PPP2R5D: variants seen among roughly 807,000 people sequenced by gnomAD.
PPP2R5D encodes protein phosphatase 2 regulatory subunit B'delta, also known as serine/threonine-protein phosphatase 2A 56 kDa regulatory subunit delta isoform.
In PPP2R5D, 12 loss-of-function variants were observed where a neutral mutation model predicts 79.1. The ratio of observed to expected loss-of-function variants is 0.15; its 90% confidence interval spans 0.10 to 0.25. The LOEUF is 0.25. Among genes scored for constraint, PPP2R5D ranks in the 10% least tolerant of loss-of-function variants. PPP2R5D has a pLI of 1.00. For missense variants in PPP2R5D, 419 were observed against 760.2 expected (o/e 0.55, Z 5.28); for synonymous variants, 277 against 286.6 (o/e 0.97, Z 0.34).
intron 1 of PPP2R5D, among the ~76,000 whole-genome samples, chr6:42,986,636 C>T (rs1157744341): frequency 6.6e-6 from 1 of 151,830 alleles, no homozygotes; most frequent in Non-Finnish European, 1.5e-5. Context: ...GTAGCTCAGT[C>T]GTAGACAATG....
At chr6:42,994,124 T>A (rs1413575311) in intron 2 of PPP2R5D, among the ~76,000 whole-genome samples, 1 of 151,974 alleles carries the variant, frequency 6.6e-6, no homozygotes, top group East Asian at 1.9e-4. Context: ...CTGGCCAACA[T>A]GGTGAAACGC....
At chr6:42,999,188 A>G (rs1304608134) in intron 2 of PPP2R5D, among the ~76,000 whole-genome samples, 2 of 152,118 alleles carry the variant, frequency 1.3e-5, no homozygotes, top group Non-Finnish European at 2.9e-5. Context: ...TCTACCCCCA[A>G]CCCAGGTGAA....
Position 43,006,927 on chromosome 6 carries a change from G to A in PPP2R5D, c.339G>A (p.Glu113=). ...LPALKDSPTQ[E]REELFIQKLR... ...CCCCCACAGATTCGCCAACCCAGGA[G>A]CGGGAGGAGCTGTTTATCCAGAAGC... Residue 113 remains glutamate, a synonymous_variant, in exon 4 of 16, where the codon GAG becomes GAA. Transcript: ENST00000485511. This position sits in a 1 kb window ranked among gnomAD's most constrained non-coding sequence, Gnocchi z 4.7. 1 of 1,614,010 alleles carries A rather than the reference G, an allele frequency of 6.2e-7. No homozygotes were observed. Among genetic ancestry groups the A allele is most frequent in the Non-Finnish European group, 8.5e-7 (1 of 1,180,030 alleles).
intron 2 of PPP2R5D, among the ~76,000 whole-genome samples, chr6:42,990,890 T>C (rs915157504): frequency 3.3e-5 from 5 of 151,886 alleles, no homozygotes; most frequent in African/African-American, 9.7e-5. Context: ...TTTTGTATTT[T>C]TAGTAGAGAC....
chr6:43,010,018 G>A lies in PPP2R5D; in HGVS notation c.1380-450G>A, dbSNP rs1157680206. Among the ~76,000 whole-genome samples, 8 of 152,200 alleles carry A rather than the reference G, an allele frequency of 5.3e-5. No individual in the cohort carries two copies. The East Asian group carries it at 7.7e-4, about 15-fold the overall frequency. The stretch of plus-strand genomic sequence containing the variant: ...TGGGAGGTGACGGTTGCAGTGAGCC[G>A]AGATCGTGCCACTGCACTCCAGCCT... On this transcript the variant is annotated intron_variant, in intron 12 of 15. Transcript: ENST00000485511. The surrounding 1 kb of genome is among the most constrained non-coding windows in gnomAD (Gnocchi z 4.7).
chr6:43,011,067 G>C, intron 15 of PPP2R5D, 70 bp downstream of exon 15: 2 of 1,610,536 alleles, frequency 1.2e-6, no homozygotes, highest in Non-Finnish European at 8.5e-7. Flanking sequence ...AGAAACAGCA[G>C]AGCCAAAGAA....
In PPP2R5D at chr6:43,008,581, A is replaced by G. The variant is rs1261695274; in HGVS notation, c.1026+106A>G. 2.1e-6 allele frequency: 3 copies of G among 1,459,032 alleles called. No homozygotes were observed. The highest frequency in any genetic ancestry group is 1.4e-5 in the African/African-American group (1 of 71,528). 90.4% of individuals were successfully genotyped at this position (1,459,032 alleles called of 1,614,324 possible). A position where few individuals can be genotyped will look rare whatever the true frequency, so the allele number is the denominator to read the frequency against. On this transcript the variant is annotated intron_variant, in intron 9 of 15. Transcript: ENST00000485511. This position sits in a 1 kb window ranked among gnomAD's most constrained non-coding sequence, Gnocchi z 4.2. ...GGGAAGCATAGGGAGCAGGTGGGAT[A>G]ATTCCTTCCCTCCATCTCCCCTTCC...
intron 2 of PPP2R5D, among the ~76,000 whole-genome samples, chr6:43,004,307 G>A (rs1216859246): frequency 6.6e-6 from 1 of 152,264 alleles, no homozygotes; most frequent in African/African-American, 2.4e-5. Context: ...ACAGGCGTGA[G>A]CCACCGCACT....
Position 43,006,345 on chromosome 6 carries a change from G to C in PPP2R5D, c.106-118G>C. 2 of 1,466,910 alleles carry C rather than the reference G, an allele frequency of 1.4e-6. No homozygotes were observed. The highest frequency in any genetic ancestry group is 1.8e-6 in the Non-Finnish European group (2 of 1,107,404). 90.9% of individuals were successfully genotyped at this position (1,466,910 alleles called of 1,614,324 possible). A position where few individuals can be genotyped will look rare whatever the true frequency, so the allele number is the denominator to read the frequency against. On this transcript the variant is annotated intron_variant, in intron 2 of 15. Transcript: ENST00000485511. This position sits in a 1 kb window ranked among gnomAD's most constrained non-coding sequence, Gnocchi z 4.7. ...CCCTGGCCTTAGCTCCTTCGGGGCA[G>C]GAGACAGCTGCTCACTGCCCAGGCC...
chr6:42,991,827 A>C (rs753950382), intron 2 of PPP2R5D, among the ~76,000 whole-genome samples: 5 of 152,188 alleles, frequency 3.3e-5, no homozygotes, highest in Non-Finnish European at 7.3e-5. Context: ...CCTTTCAAAC[A>C]AATATGCCTA....
At chr6:42,988,897 G>A (rs1181287302) in intron 1 of PPP2R5D, among the ~76,000 whole-genome samples, 1 of 152,048 alleles carries the variant, frequency 6.6e-6, no homozygotes, top group Non-Finnish European at 1.5e-5. Flanking sequence ...TTTTTGGCTC[G>A]AAGCATAGGA....
chr6:42,999,329 G>A (rs1772014663), intron 2 of PPP2R5D, among the ~76,000 whole-genome samples: 1 of 152,200 alleles, frequency 6.6e-6, no homozygotes, highest in African/African-American at 2.4e-5. Flanking sequence ...ACCTCATTGG[G>A]GCTTGGCAGC....
At chr6:42,995,587 C>G (rs1404053257) in intron 2 of PPP2R5D, among the ~76,000 whole-genome samples, 2 of 150,684 alleles carry the variant, frequency 1.3e-5, no homozygotes, top group African/African-American at 4.9e-5. Context: ...GAGTCTCGCT[C>G]TGTCGCCCAG....
At chr6:43,000,084 C>T (rs1206017080) in intron 2 of PPP2R5D, among the ~76,000 whole-genome samples, 9 of 151,636 alleles carry the variant, frequency 5.9e-5, no homozygotes, top group South Asian at 2.1e-4. Flanking sequence ...TACAGGCGCC[C>T]GCCACCACGC....
chr6:42,984,686 T>C lies in PPP2R5D; in HGVS notation c.9T>C (p.Tyr3=). The change falls in exon 1 of 16, where the codon TAT becomes TAC. Residue 3 remains tyrosine, a synonymous_variant. Coordinates refer to ENST00000485511, the MANE Select transcript of PPP2R5D (RefSeq NM_006245.4). MP[Y]KLKKEKEPPK... is the part of the protein sequence containing the mutation. Reference sequence around the variant, plus strand: ...GGTCCGGACGGGCCGAGATGCCCTATAAACTGAAAAAGGAGAAGGTGAGCG... The same window carrying C: ...GGTCCGGACGGGCCGAGATGCCCTACAAACTGAAAAAGGAGAAGGTGAGCG... 1 of 1,611,474 alleles carries C rather than the reference T, an allele frequency of 6.2e-7. No homozygotes were observed. Among genetic ancestry groups the C allele is most frequent in the South Asian group, 1.1e-5 (1 of 90,610 alleles).
In PPP2R5D at chr6:43,007,918, C is replaced by T. The variant is rs1168084553; in HGVS notation, c.727-17C>T. On this transcript the variant is annotated splice_polypyrimidine_tract_variant and intron_variant, in intron 6 of 15. Coordinates refer to ENST00000485511, the MANE Select transcript of PPP2R5D (RefSeq NM_006245.4). The surrounding 1 kb of genome is among the most constrained non-coding windows in gnomAD (Gnocchi z 4.5). ...GCTGCTGCCTCACTGGCTGCTTTCC[C>T]TCCCTTGTACCCCCAGCTCCTAGAC... 6.2e-7 allele frequency: 1 copy of T among 1,613,036 alleles called. No homozygotes were observed. The highest frequency in any genetic ancestry group is 1.7e-5 in the Admixed American group (1 of 60,016).
chr6:43,002,190 G>C (rs1772272867), intron 2 of PPP2R5D, among the ~76,000 whole-genome samples: 1 of 149,940 alleles, frequency 6.7e-6, no homozygotes, highest in Non-Finnish European at 1.5e-5. Context: ...TTGATTCGGA[G>C]TCTCGCCCTA....
At chr6:43,000,080 C>G (rs571566536) in intron 2 of PPP2R5D, among the ~76,000 whole-genome samples, 1 of 151,870 alleles carries the variant, frequency 6.6e-6, no homozygotes, top group African/African-American at 2.4e-5. Context: ...GGATTACAGG[C>G]GCCCGCCACC....
rs1762224335 is a variant in PPP2R5D, at chr6:43,008,868, T to C, written c.1080+122T>C. ...GGCTGTGACCTGACCGGTAACATGG[T>C]TTCCTCTCTGAAGGGGAAGCAAAAC... On this transcript the variant is annotated intron_variant, in intron 10 of 15. Coordinates refer to ENST00000485511, the MANE Select transcript of PPP2R5D (RefSeq NM_006245.4). The surrounding 1 kb of genome is among the most constrained non-coding windows in gnomAD (Gnocchi z 4.2). 7.7e-7 allele frequency: 1 copy of C among 1,300,406 alleles called. No homozygotes were observed. The highest frequency in any genetic ancestry group is 1.1e-6 in the Non-Finnish European group (1 of 926,322). 80.6% of individuals were successfully genotyped at this position (1,300,406 alleles called of 1,614,324 possible). A position where few individuals can be genotyped will look rare whatever the true frequency, so the allele number is the denominator to read the frequency against.
Sources: gnomAD v4.1 joint callset for allele counts (sites outside exome capture counted in the v4.1 genomes callset) on GRCh38, gnomAD v4.1.1 for gene constraint, Gnocchi (gnomAD v3.1) non-coding constraint, MANE v1.5 for transcripts, NCBI Gene and HGNC (gene_info 2026-07-23, HGNC 2026-07-21) for gene names.